Variants in NXPE2 observed in about 807,000 individuals in gnomAD.
NXPE2 encodes the protein neurexophilin and PC-esterase domain family member 2, also known as NXPE family member 2.
Under a neutral mutation model 34.4 loss-of-function variants are expected in NXPE2, and 34 were observed. The ratio of observed to expected loss-of-function variants is 0.99; its 90% CI spans 0.75 to 1.31. NXPE2 has a LOEUF of 1.31. NXPE2 is among the 40% of genes most tolerant of loss of function. NXPE2 has a pLI of 0.00. For synonymous variants in NXPE2, 235 were observed against 231.3 expected (o/e 1.02, Z -0.15); for missense variants, 649 against 672.5 (o/e 0.97, Z 0.39).
the NXPE2 span, among the ~76,000 whole-genome samples, chr11:114,653,505 T>C: frequency 8.6e-5 from 13 of 151,926 alleles, no homozygotes; most frequent in Admixed American, 2.6e-4. Flanking sequence ...TACCTTTTCT[T>C]GTTAGGACTA....
chr11:114,676,982 G>C (rs947242023), upstream of NXPE2, among the ~76,000 whole-genome samples: 2 of 152,004 alleles, frequency 1.3e-5, no homozygotes, highest in African/African-American at 2.4e-5. Flanking sequence ...GAACCTGGAG[G>C]ACATTATGCT....
chr11:114,565,350 A>G, the NXPE2 span, among the ~76,000 whole-genome samples: 2 of 152,122 alleles, frequency 1.3e-5, no homozygotes, highest in African/African-American at 4.8e-5. Flanking sequence ...GTTACATTCC[A>G]CTTACTCCCT....
At chr11:114,522,919 T>C in the NXPE2 span, 4 of 1,613,306 alleles carry the variant, frequency 2.5e-6, no homozygotes, top group Non-Finnish European at 3.4e-6. Context: ...ACTGACGTAG[T>C]GTAGAGTCTC....
At chr11:114,538,450 G>T in the NXPE2 span, among the ~76,000 whole-genome samples, 2 of 152,204 alleles carry the variant, frequency 1.3e-5, no homozygotes, top group South Asian at 4.2e-4. Flanking sequence ...AAACTAAAGA[G>T]CTTCTGCACA....
At chr11:114,521,677 T>C in the NXPE2 span, 72 of 303,200 alleles carry the variant, frequency 2.4e-4, no homozygotes, top group Non-Finnish European at 3.0e-4. Flanking sequence ...GAAAGCATCA[T>C]GAATTTGTAC....
At chr11:114,534,269 C>T in the NXPE2 span, among the ~76,000 whole-genome samples, 1 of 152,112 alleles carries the variant, frequency 6.6e-6, no homozygotes. Flanking sequence ...GACATCCACA[C>T]CCAAAACCCA....
chr11:114,597,506 A>G, the NXPE2 span, among the ~76,000 whole-genome samples: 1 of 152,212 alleles, frequency 6.6e-6, no homozygotes, highest in African/African-American at 2.4e-5. Context: ...TTTTTGATGG[A>G]TAAATATGCA....
upstream of NXPE2, among the ~76,000 whole-genome samples, chr11:114,674,516 C>G (rs1950835797): frequency 6.7e-6 from 1 of 149,696 alleles, no homozygotes; most frequent in Non-Finnish European, 1.5e-5. Flanking sequence ...ATGGCAACCA[C>G]AAAGAAAAAA....
At chr11:114,737,084 T>G in the NXPE2 span, among the ~76,000 whole-genome samples, 1 of 152,366 alleles carries the variant, frequency 6.6e-6, no homozygotes, top group East Asian at 1.9e-4. Context: ...AAAACTTGTT[T>G]CTTCCTTTAT....
chr11:114,748,453 A>G, the NXPE2 span, among the ~76,000 whole-genome samples: 8 of 152,202 alleles, frequency 5.3e-5, no homozygotes, highest in South Asian at 4.1e-4. Flanking sequence ...TTCAATTTGG[A>G]ATCATGAGTT....
At chr11:114,755,812 G>T in the NXPE2 span, among the ~76,000 whole-genome samples, 2 of 149,674 alleles carry the variant, frequency 1.3e-5, no homozygotes, top group East Asian at 2.0e-4. Context: ...AACCACTCTG[G>T]CTGACTATGG....
the NXPE2 span, among the ~76,000 whole-genome samples, chr11:114,660,274 A>G: frequency 6.6e-6 from 1 of 152,056 alleles, no homozygotes; most frequent in African/African-American, 2.4e-5. Context: ...CAGAAAATAG[A>G]AGCACTTTGC....
At chr11:114,618,625 A>T in the NXPE2 span, among the ~76,000 whole-genome samples, 3 of 149,214 alleles carry the variant, frequency 2.0e-5, no homozygotes, top group Non-Finnish European at 4.5e-5. Flanking sequence ...TTGCCTTGTG[A>T]GTAACCACTG....
At chr11:114,534,982 A>C in the NXPE2 span, among the ~76,000 whole-genome samples, 1 of 152,152 alleles carries the variant, frequency 6.6e-6, no homozygotes, top group Non-Finnish European at 1.5e-5. Context: ...ATAATTGTCA[A>C]ATTCACCAAA....
chr11:114,609,167 G>A, the NXPE2 span, among the ~76,000 whole-genome samples: 2,404 of 152,046 alleles, frequency 0.016, 75 homozygotes, highest in African/African-American at 0.053. Flanking sequence ...GTTACCTGGT[G>A]GATGATAAAT....
chr11:114,501,274 G>C, the NXPE2 span, among the ~76,000 whole-genome samples: 1 of 152,132 alleles, frequency 6.6e-6, no homozygotes, highest in East Asian at 1.9e-4. Flanking sequence ...GCTCTTCCAG[G>C]TGATTCTGAG....
chr11:114,498,572 CA>C, the NXPE2 span, among the ~76,000 whole-genome samples: 1 of 152,142 alleles, frequency 6.6e-6, no homozygotes, highest in South Asian at 2.1e-4. Flanking sequence ...AATGAGAGTG[CA>C]CTCTGTATTT....
chr11:114,670,425 TG>T, the NXPE2 span, among the ~76,000 whole-genome samples: 1 of 152,058 alleles, frequency 6.6e-6, no homozygotes, highest in East Asian at 1.9e-4. Flanking sequence ...CCAAGCGCAG[TG>T]GCTCACCTCT....
At chr11:114,758,610 G>A in the NXPE2 span, among the ~76,000 whole-genome samples, 1 of 152,082 alleles carries the variant, frequency 6.6e-6, no homozygotes, top group African/African-American at 2.4e-5. Context: ...TCAAGAGCTT[G>A]GGCTTTGGAG....
Sources: gnomAD v4.1 joint callset for allele counts (sites outside exome capture counted in the v4.1 genomes callset) on GRCh38, gnomAD v4.1.1 for gene constraint, MANE v1.5 for transcripts, NCBI Gene and HGNC (gene_info 2026-07-23, HGNC 2026-07-21) for gene names.